DTD1: variants seen among roughly 807,000 people sequenced by gnomAD.
DTD1 encodes D-tyrosyl-tRNA deacylase 1 homolog.
DTD1 carries 13 observed loss-of-function variants against 25.6 expected under a neutral mutation model. The ratio of observed to expected loss-of-function variants is 0.51; its 90% CI spans 0.33 to 0.81. DTD1 has a LOEUF of 0.81. Among genes scored for constraint, DTD1 ranks in the 30% least tolerant of loss-of-function variants. The pLI, the probability that DTD1 is intolerant of heterozygous loss-of-function variation, is 0.02. For missense variants in DTD1, 193 were observed against 266.4 expected (o/e 0.72, Z 1.92); for synonymous variants, 110 against 103.6 (o/e 1.06, Z -0.37).
At chr20:18,695,354 G>GCATTTC (rs2061067453) in intron 4 of DTD1, among the ~76,000 whole-genome samples, 1 of 130,930 alleles carries the variant, frequency 7.6e-6, no homozygotes, top group Non-Finnish European at 1.7e-5. Flanking sequence ...AGAAAGCAAT[G>GCATTTC]CAGGTCTCTG....
chr20:18,589,001 T>A (rs60756657), intron 1 of DTD1: 1 of 574,444 alleles, frequency 1.7e-6, no homozygotes, highest in African/African-American at 2.0e-5. Flanking sequence ...AGATATCCTG[T>A]CCTTGGAGCC....
intron 3 of DTD1, among the ~76,000 whole-genome samples, chr20:18,625,637 C>T (rs2060754480): frequency 6.6e-6 from 1 of 152,228 alleles, no homozygotes. Context: ...CAGGCAGTGG[C>T]TCCAGCCTGG....
intron 3 of DTD1, among the ~76,000 whole-genome samples, chr20:18,621,726 A>T (rs1284539387): frequency 6.6e-6 from 1 of 152,164 alleles, no homozygotes; most frequent in Admixed American, 6.6e-5. Context: ...TTAGCATTCA[A>T]TTACTAGATC....
At chr20:18,747,794 C>T (rs529649647) in intron 5 of DTD1, among the ~76,000 whole-genome samples, 12 of 151,006 alleles carry the variant, frequency 7.9e-5, no homozygotes, top group African/African-American at 1.9e-4. Flanking sequence ...AGGCGGATCA[C>T]GAGGTCAAGA....
At chr20:18,591,623 CT>C (rs1236378339) in intron 1 of DTD1, among the ~76,000 whole-genome samples, 1 of 151,854 alleles carries the variant, frequency 6.6e-6, no homozygotes, top group African/African-American at 2.4e-5. Flanking sequence ...TACCTTTGTT[CT>C]TTTTTTCATG....
chr20:18,730,927 T>C (rs1222894786), intron 4 of DTD1, among the ~76,000 whole-genome samples: 6 of 152,208 alleles, frequency 3.9e-5, no homozygotes, highest in African/African-American at 1.4e-4. Context: ...CCTGTCCTAG[T>C]GTTTGGTTGA....
intron 4 of DTD1, among the ~76,000 whole-genome samples, chr20:18,708,837 C>A (rs544304330): frequency 6.6e-6 from 1 of 152,276 alleles, no homozygotes; most frequent in Non-Finnish European, 1.5e-5. Flanking sequence ...CACCTGCCCC[C>A]GTGGTGGCAG....
In DTD1 at chr20:18,657,083, A is replaced by C. The variant is rs190091479; in HGVS notation, c.477+28850A>C. Among the ~76,000 whole-genome samples, 197 of 152,354 alleles carry C rather than the reference A, an allele frequency of 1.3e-3. 1 individual carries two copies. Among genetic ancestry groups the C allele is most frequent in the African/African-American group, 4.5e-3 (189 of 41,578 alleles). On this transcript the variant is annotated intron_variant, in intron 4 of 5. Coordinates refer to ENST00000377452, the MANE Select transcript of DTD1 (RefSeq NM_080820.6). Reference sequence around the variant, plus strand: ...TAACATTGATACAACACTAATCCACAGATCTTCTTTGAATTTTGTCAAAGG... The same window carrying C: ...TAACATTGATACAACACTAATCCACCGATCTTCTTTGAATTTTGTCAAAGG...
intron 3 of DTD1, among the ~76,000 whole-genome samples, chr20:18,613,035 C>T (rs1411084879): frequency 2.6e-5 from 4 of 152,258 alleles, no homozygotes; most frequent in East Asian, 3.9e-4. Flanking sequence ...AGGAAATCAG[C>T]GGAGGGGTTT....
At chr20:18,653,239 A>G (rs1476957989) in intron 4 of DTD1, among the ~76,000 whole-genome samples, 1 of 152,150 alleles carries the variant, frequency 6.6e-6, no homozygotes, top group Non-Finnish European at 1.5e-5. Context: ...CTGTCTCTAT[A>G]AAAAATTAGC....
chr20:18,690,113 G>A (rs369957501), intron 4 of DTD1, among the ~76,000 whole-genome samples: 2 of 145,562 alleles, frequency 1.4e-5, no homozygotes, highest in Non-Finnish European at 3.0e-5. Flanking sequence ...TTCAGCCTGG[G>A]TGACAGAGCA....
In DTD1 at chr20:18,765,294, A is replaced by G. The variant is rs1051872514; in HGVS notation, c.*1954A>G. 4 of 152,272 alleles carry G rather than the reference A, an allele frequency of 2.6e-5. No individual in the cohort carries two copies. Among genetic ancestry groups the G allele is most frequent in the Non-Finnish European group, 4.4e-5 (3 of 68,050 alleles). 9.4% of individuals were successfully genotyped at this position (152,272 alleles called of 1,614,324 possible). A position where few individuals can be genotyped will look rare whatever the true frequency, so the allele number is the denominator to read the frequency against. On this transcript the variant is annotated 3_prime_UTR_variant, in exon 6 of 6. Transcript: ENST00000377452. ...GGAGCAATGGGTGTAAGTTGCATCA[A>G]CGTAGATTCTGGCATTCTAACAACA... is the stretch of plus-strand genomic sequence containing the variant.
rs540336996 is a variant in DTD1 at position 18,633,626 on chromosome 20, G to A, written c.477+5393G>A. The stretch of plus-strand genomic sequence containing the variant: ...GAGTTCAGAGAAGGCCATTGTCACT[G>A]CTGTTGCCTCTCAGCCGAGTGGGCC... On this transcript the variant is annotated intron_variant, in intron 4 of 5. Transcript: ENST00000377452. Among the ~76,000 whole-genome samples the A allele has an allele frequency of 1.2e-4, 19 of 152,346 alleles. No homozygotes were observed. The South Asian group carries it at 3.5e-3, about 28-fold the overall frequency.
intron 4 of DTD1, among the ~76,000 whole-genome samples, chr20:18,677,140 C>T (rs2060979417): frequency 1.3e-5 from 2 of 152,118 alleles, no homozygotes; most frequent in African/African-American, 4.8e-5. Context: ...GCTTTTGTTT[C>T]CTCTGCTTGA....
chr20:18,637,329 C>T (rs960605881), intron 4 of DTD1, among the ~76,000 whole-genome samples: 6 of 152,164 alleles, frequency 3.9e-5, no homozygotes, highest in African/African-American at 1.4e-4. Flanking sequence ...AATATGGTGC[C>T]TTCTCAACGC....
chr20:18,659,786 G>GACAAATACCTA (rs1401666991), intron 4 of DTD1, among the ~76,000 whole-genome samples: 2 of 151,976 alleles, frequency 1.3e-5, no homozygotes, highest in Non-Finnish European at 2.9e-5. Context: ...AGAGCATTAG[G>GACAAATACCTA]ACAAATACCT....
Position 18,766,605 on chromosome 20 carries a change from T to A in DTD1, c.*3265T>A, listed in dbSNP as rs965040649. On this transcript the variant is annotated 3_prime_UTR_variant, in exon 6 of 6. Transcript: ENST00000377452. ...AAAAATACAAAAAATTAGCCGGGCG[T>A]GGTGGCGGGTGCCTTAGTCCCAGCT... 1 of 150,306 alleles carries A rather than the reference T, an allele frequency of 6.7e-6. No homozygotes were observed. The highest frequency in any genetic ancestry group is 6.7e-5 in the Admixed American group (1 of 15,034). 9.3% of individuals were successfully genotyped at this position (150,306 alleles called of 1,614,324 possible). A position where few individuals can be genotyped will look rare whatever the true frequency, so the allele number is the denominator to read the frequency against.
intron 4 of DTD1, among the ~76,000 whole-genome samples, chr20:18,670,704 C>T (rs551360198): frequency 1.1e-4 from 16 of 152,318 alleles, no homozygotes; most frequent in Non-Finnish European, 1.6e-4. Flanking sequence ...TGCTGTTTCT[C>T]CTGCTCACAT....
intron 1 of DTD1, among the ~76,000 whole-genome samples, chr20:18,592,993 A>C (rs1179599551): frequency 1.3e-5 from 2 of 152,166 alleles, no homozygotes; most frequent in Non-Finnish European, 2.9e-5. Context: ...ATAATGATGC[A>C]TCTTGCTACC....
Sources: allele counts gnomAD v4.1 joint callset (sites outside exome capture counted in the v4.1 genomes callset), GRCh38; gene constraint gnomAD v4.1.1; transcripts MANE v1.5; gene names NCBI Gene and HGNC (gene_info 2026-07-23, HGNC 2026-07-21).